Variants in GABRB1 observed in about 807,000 individuals in gnomAD.
GABRB1 encodes gamma-aminobutyric acid receptor subunit beta-1.
In GABRB1, 17 loss-of-function variants were observed where a neutral mutation model predicts 51.6. That is an observed-to-expected ratio of 0.33 (90% CI 0.23 to 0.49). GABRB1 has a LOEUF of 0.49. GABRB1 is among the 20% of genes least tolerant of loss of function. The probability of loss-of-function intolerance (pLI) is 0.99; values close to 1 mark genes in which losing one functional copy is unlikely to be tolerated. For missense variants in GABRB1, 410 were observed against 600.6 expected, an observed-to-expected ratio of 0.68 and a Z score of 3.32; for synonymous variants, 247 against 218.9, an observed-to-expected ratio of 1.13 and a Z score of -1.14.
chr4:47,394,997 A>G (rs1339851384), intron 5 of GABRB1, among the ~76,000 whole-genome samples: 3 of 152,196 alleles, frequency 2.0e-5, no homozygotes, highest in African/African-American at 7.2e-5. Context: ...AGCTGGTCTC[A>G]GCTGCTGAGT....
intron 3 of GABRB1, among the ~76,000 whole-genome samples, chr4:47,127,905 C>G (rs567799129): frequency 6.6e-6 from 1 of 150,738 alleles, no homozygotes; most frequent in African/African-American, 2.4e-5. Context: ...TAAAATATAA[C>G]GCTAAAAGTT....
chr4:47,085,831 C>A (rs1194207517), intron 3 of GABRB1, among the ~76,000 whole-genome samples: 2 of 152,124 alleles, frequency 1.3e-5, no homozygotes, highest in East Asian at 3.9e-4. Flanking sequence ...TGCCCTGTCA[C>A]CTCCAGATGC....
At chr4:47,392,247 C>T (rs943062129) in intron 5 of GABRB1, among the ~76,000 whole-genome samples, 1 of 151,654 alleles carries the variant, frequency 6.6e-6, no homozygotes, top group South Asian at 2.1e-4. Context: ...AGAGAGGTGA[C>T]TTCTTCAATT....
chr4:47,329,903 C>T (rs968762091), intron 5 of GABRB1, among the ~76,000 whole-genome samples: 3 of 151,940 alleles, frequency 2.0e-5, no homozygotes, highest in Non-Finnish European at 4.4e-5. Flanking sequence ...GGAATTGGCT[C>T]ACGCAATTAT....
At chr4:47,206,383 A>G (rs977768694) in intron 4 of GABRB1, among the ~76,000 whole-genome samples, 2 of 152,052 alleles carry the variant, frequency 1.3e-5, no homozygotes, top group Non-Finnish European at 2.9e-5. Context: ...CTCTTTAAAT[A>G]TACAATGATC....
At chr4:47,344,088 T>A (rs1259450490) in intron 5 of GABRB1, among the ~76,000 whole-genome samples, 1 of 152,182 alleles carries the variant, frequency 6.6e-6, no homozygotes. Context: ...AGAATAATCA[T>A]GGAATTTGAA....
intron 4 of GABRB1, among the ~76,000 whole-genome samples, chr4:47,190,665 T>C (rs1386870898): frequency 6.6e-6 from 1 of 152,132 alleles, no homozygotes. Context: ...ACATAGGTAA[T>C]AAGAAGGAGG....
chr4:47,047,950 T>C (rs1487778430), intron 3 of GABRB1, among the ~76,000 whole-genome samples: 1 of 152,118 alleles, frequency 6.6e-6, no homozygotes, highest in Non-Finnish European at 1.5e-5. Context: ...CTAACAGTAG[T>C]TGGGAAGTGT....
At chr4:47,244,691 C>A (rs977308192) in intron 4 of GABRB1, among the ~76,000 whole-genome samples, 4 of 152,140 alleles carry the variant, frequency 2.6e-5, no homozygotes, top group Non-Finnish European at 5.9e-5. Flanking sequence ...TTAAGAAACT[C>A]ACTCAAAACC....
chr4:47,187,830 A>C (rs1358031510), intron 4 of GABRB1, among the ~76,000 whole-genome samples: 1 of 151,884 alleles, frequency 6.6e-6, no homozygotes, highest in African/African-American at 2.4e-5. Context: ...TGTTGTTCAT[A>C]CATGCCAAGT....
chr4:47,330,017 G>A (rs563180635), intron 5 of GABRB1, among the ~76,000 whole-genome samples: 19 of 152,164 alleles, frequency 1.2e-4, no homozygotes, highest in Non-Finnish European at 1.9e-4. Context: ...AATTGATAGC[G>A]TAACTCTAGT....
At chr4:47,371,688 G>T (rs558898741) in intron 5 of GABRB1, among the ~76,000 whole-genome samples, 1 of 152,136 alleles carries the variant, frequency 6.6e-6, no homozygotes, top group East Asian at 1.9e-4. Flanking sequence ...CTAATGATCC[G>T]TGATGTTGAG....
At chr4:47,272,864 G>A (rs1320506817) in intron 4 of GABRB1, among the ~76,000 whole-genome samples, 3 of 152,042 alleles carry the variant, frequency 2.0e-5, no homozygotes, top group Non-Finnish European at 2.9e-5. Context: ...GCTTTCTGAC[G>A]AAACCTGAGT....
intron 4 of GABRB1, among the ~76,000 whole-genome samples, chr4:47,271,470 A>G (rs993046104): frequency 6.6e-6 from 1 of 152,172 alleles, no homozygotes; most frequent in South Asian, 2.1e-4. Flanking sequence ...TTCTCCAGAA[A>G]GAGGCACTGA....
At chr4:47,318,663 C>T (rs529327882) in intron 4 of GABRB1, among the ~76,000 whole-genome samples, 1 of 152,084 alleles carries the variant, frequency 6.6e-6, no homozygotes, top group Non-Finnish European at 1.5e-5. Context: ...AGGACCCTAA[C>T]TCTACATATC....
intron 4 of GABRB1, among the ~76,000 whole-genome samples, chr4:47,175,903 T>C (rs1718675293): frequency 6.6e-6 from 1 of 152,140 alleles, no homozygotes; most frequent in African/African-American, 2.4e-5. Context: ...TTCAAGGTGG[T>C]AGCAAATTGT....
chr4:47,400,546 C>CTCTT (rs1553882301), intron 5 of GABRB1, among the ~76,000 whole-genome samples: 1 of 150,742 alleles, frequency 6.6e-6, no homozygotes, highest in Non-Finnish European at 1.5e-5. Context: ...CTCTCTCTCT[C>CTCTT]TCTCTCTCAG....
chr4:47,377,396 T>C (rs534228598), intron 5 of GABRB1, among the ~76,000 whole-genome samples: 30 of 148,390 alleles, frequency 2.0e-4, no homozygotes, highest in African/African-American at 7.2e-4. Context: ...GTTCCTTATG[T>C]TCGGAAGTGT....
At chr4:47,299,369 C>T (rs976273015) in intron 4 of GABRB1, among the ~76,000 whole-genome samples, 17 of 152,222 alleles carry the variant, frequency 1.1e-4, no homozygotes, top group Admixed American at 4.6e-4. Flanking sequence ...CCAGAATCTA[C>T]GATGAACTCA....
Sources: gnomAD v4.1 joint callset for allele counts (sites outside exome capture counted in the v4.1 genomes callset) on GRCh38, gnomAD v4.1.1 for gene constraint, MANE v1.5 for transcripts, NCBI Gene and HGNC (gene_info 2026-07-23, HGNC 2026-07-21) for gene names.